CORIN: variants seen among roughly 807,000 people sequenced by gnomAD.
CORIN encodes atrial natriuretic peptide-converting enzyme.
Under a neutral mutation model 125.3 loss-of-function variants are expected in CORIN, and 117 were observed. That is an observed-to-expected ratio of 0.93 (90% confidence interval 0.80 to 1.09). The LOEUF is 1.09. CORIN is among the 50% of genes least tolerant of loss of function. CORIN has a pLI of 0.00. For missense variants in CORIN, 1,253 were observed against 1,306.7 expected, an observed-to-expected ratio of 0.96 and a Z score of 0.63; for synonymous variants, 450 against 466.4, an observed-to-expected ratio of 0.96 and a Z score of 0.45.
At position 47,641,773 on chromosome 4, in the gene CORIN, G is replaced by T. The variant is rs1723238317; in HGVS notation, c.2198+147C>A. 3.5e-6 allele frequency: 3 copies of T among 848,698 alleles called. No individual in the cohort carries two copies. The Admixed American group carries it at 7.3e-5, about 21-fold the overall frequency. 52.6% of individuals were successfully genotyped at this position (848,698 alleles called of 1,614,324 possible). Reference sequence around the variant, plus strand: ...AGGGCAGGTGCCTATAATTAAATATGGTCCTCTCACCTGATTCATTTCCCG... The same window carrying T: ...AGGGCAGGTGCCTATAATTAAATATTGTCCTCTCACCTGATTCATTTCCCG... On this transcript the variant is annotated intron_variant, in intron 16 of 21. Transcript: ENST00000273857.
chr4:47,808,245 T>C (rs1013847883), intron 1 of CORIN, among the ~76,000 whole-genome samples: 19 of 152,192 alleles, frequency 1.2e-4, no homozygotes, highest in African/African-American at 4.3e-4. Flanking sequence ...GTTTTGTTGG[T>C]TCTTCCTCTT....
At chr4:47,799,106 G>GTGTGT (rs1731417801) in intron 2 of CORIN, among the ~76,000 whole-genome samples, 1 of 141,452 alleles carries the variant, frequency 7.1e-6, no homozygotes, top group African/African-American at 2.6e-5. Flanking sequence ...TATCCCATGG[G>GTGTGT]GTGTGTGTGT....
chr4:47,762,904 C>T (rs545532826), intron 4 of CORIN, among the ~76,000 whole-genome samples: 1 of 152,246 alleles, frequency 6.6e-6, no homozygotes, highest in African/African-American at 2.4e-5. Context: ...CCTGGCCTGT[C>T]CAAGACCCTT....
At chr4:47,621,850 C>CT (rs869215076) in intron 19 of CORIN, among the ~76,000 whole-genome samples, 128 of 138,664 alleles carry the variant, frequency 9.2e-4, no homozygotes, top group South Asian at 2.1e-3. Context: ...AGATAAAAAT[C>CT]TTTTTTTTTT....
chr4:47,770,426 G>A (rs1373812428), intron 3 of CORIN, among the ~76,000 whole-genome samples: 1 of 152,070 alleles, frequency 6.6e-6, no homozygotes, highest in Non-Finnish European at 1.5e-5. Context: ...CTGTTGATAG[G>A]GTTGTAAATT....
intron 3 of CORIN, among the ~76,000 whole-genome samples, chr4:47,777,969 G>A (rs1254698684): frequency 6.6e-6 from 1 of 152,160 alleles, no homozygotes; most frequent in African/African-American, 2.4e-5. Context: ...TTCAGAACCA[G>A]AGGAAAAAGT....
intron 5 of CORIN, among the ~76,000 whole-genome samples, chr4:47,696,464 CAA>C (rs113439913): frequency 6.6e-6 from 1 of 150,620 alleles, no homozygotes; most frequent in Non-Finnish European, 1.5e-5. Flanking sequence ...GAGAAGAAAA[CAA>C]AAAAAAATCC....
intron 2 of CORIN, among the ~76,000 whole-genome samples, chr4:47,793,261 C>T (rs190703786): frequency 4.6e-5 from 7 of 152,176 alleles, no homozygotes; most frequent in Admixed American, 2.6e-4. Context: ...CATCAATCCC[C>T]GAGCAGAACA....
intron 5 of CORIN, among the ~76,000 whole-genome samples, chr4:47,694,641 C>A (rs1031877727): frequency 6.6e-6 from 1 of 152,136 alleles, no homozygotes; most frequent in Non-Finnish European, 1.5e-5. Context: ...AAAGTACAGG[C>A]TGAAAGCTCC....
Position 47,774,197 on chromosome 4 carries a change from C to T in CORIN, c.410-10611G>A, listed in dbSNP as rs115057867. Among the ~76,000 whole-genome samples the T allele has an allele frequency of 3.3e-3, 499 of 152,160 alleles. 2 individuals are homozygous for T. Among genetic ancestry groups the T allele is most frequent in the African/African-American group, 0.011 (459 of 41,548 alleles). ...TTAAAACTACTGATTATGATGGCAG[C>T]GGTGGCCCATCTGGAGATGCTGAGA... is the stretch of plus-strand genomic sequence containing the variant. On this transcript the variant is annotated intron_variant, in intron 3 of 21. Transcript: ENST00000273857.
chr4:47,712,961 C>T (rs935183597), intron 5 of CORIN, among the ~76,000 whole-genome samples: 3 of 151,886 alleles, frequency 2.0e-5, no homozygotes, highest in African/African-American at 7.3e-5. Context: ...CCCCGAAAGA[C>T]AATAGAAGAA....
intron 6 of CORIN, among the ~76,000 whole-genome samples, chr4:47,689,216 C>A (rs1018336985): frequency 2.6e-5 from 4 of 152,192 alleles, no homozygotes; most frequent in African/African-American, 9.7e-5. Context: ...ACCGCAAATC[C>A]TAGTGCTTTT....
intron 5 of CORIN, among the ~76,000 whole-genome samples, chr4:47,700,569 C>T (rs1726238703): frequency 6.6e-6 from 1 of 152,218 alleles, no homozygotes. Context: ...GAAGGAAGGA[C>T]TTCTAGCTTT....
chr4:47,816,846 G>GCACACA lies in CORIN; in HGVS notation c.64-9805_64-9800dup, dbSNP rs58486505. Among the ~76,000 whole-genome samples, 1,208 of 150,764 alleles carry GCACACA rather than the reference G, an allele frequency of 8.0e-3. 14 individuals carry two copies. Among genetic ancestry groups the GCACACA allele is most frequent in the African/African-American group, 0.028 (1,141 of 41,116 alleles). Reference sequence around the variant, plus strand: ...CCATAGCACAAGCACACACACACGTGCACACACACACACACACTCACACAC... The same window carrying GCACACA: ...CCATAGCACAAGCACACACACACGTGCACACACACACACACACACACACTCACACAC... On this transcript the variant is annotated intron_variant, in intron 1 of 21. Coordinates refer to ENST00000273857, the MANE Select transcript of CORIN (RefSeq NM_006587.4).
intron 1 of CORIN, among the ~76,000 whole-genome samples, chr4:47,809,698 G>A (rs544503733): frequency 1.0e-3 from 159 of 152,132 alleles, no homozygotes; most frequent in African/African-American, 3.4e-3. Flanking sequence ...AAGCCACCAC[G>A]CCCAGCCAGA....
At chr4:47,624,741 A>G (rs781548848) in intron 17 of CORIN, among the ~76,000 whole-genome samples, 2 of 152,120 alleles carry the variant, frequency 1.3e-5, no homozygotes, top group Non-Finnish European at 2.9e-5. Flanking sequence ...TGGGGTAGAA[A>G]TTTTAATCAC....
chr4:47,628,217 AG>A (rs1179626380), intron 16 of CORIN, among the ~76,000 whole-genome samples: 1 of 152,218 alleles, frequency 6.6e-6, no homozygotes, highest in African/African-American at 2.4e-5. Flanking sequence ...CATTTAAAAA[AG>A]TCAGTGAATT....
chr4:47,741,393 C>T (rs1420180133), intron 5 of CORIN, among the ~76,000 whole-genome samples: 2 of 151,998 alleles, frequency 1.3e-5, no homozygotes, highest in African/African-American at 2.4e-5. Context: ...TGGGATACCA[C>T]TTCACATCAA....
At position 47,835,782 on chromosome 4, in the gene CORIN, A is replaced by G. The variant is rs536839760; in HGVS notation, c.63+2105T>C. On this transcript the variant is annotated intron_variant, in intron 1 of 21. Coordinates refer to ENST00000273857, the MANE Select transcript of CORIN (RefSeq NM_006587.4). ...GCGGAAGCACTGATGCCTGCCTTCTATGCTGTTGCTATTGTGATTTCTGCA... is the reference window on the plus strand; with the variant it reads ...GCGGAAGCACTGATGCCTGCCTTCTGTGCTGTTGCTATTGTGATTTCTGCA... 2.6e-5 allele frequency among the ~76,000 whole-genome samples: 4 copies of G among 152,354 alleles called. No homozygotes were observed. The East Asian group carries it at 7.7e-4, about 29-fold the overall frequency.
Sources: allele counts gnomAD v4.1 joint callset (sites outside exome capture counted in the v4.1 genomes callset), GRCh38; gene constraint gnomAD v4.1.1; transcripts MANE v1.5; gene names NCBI Gene and HGNC (gene_info 2026-07-23, HGNC 2026-07-21).